TOX2: variants seen among roughly 807,000 people sequenced by gnomAD.
The protein encoded by TOX2 is granulosa cell HMG box 1.
Under a neutral mutation model 47.4 loss-of-function variants are expected in TOX2, and 15 were observed. The ratio of observed to expected loss-of-function variants is 0.32; its 90% confidence interval spans 0.21 to 0.49. The LOEUF (loss-of-function observed/expected upper bound fraction) is 0.49, where lower values mean the gene tolerates loss of function less well. Among genes scored for constraint, TOX2 ranks in the 20% least tolerant of loss-of-function variants. The pLI, the probability that TOX2 is intolerant of heterozygous loss-of-function variation, is 0.99. For missense variants in TOX2, 622 were observed against 673.1 expected (o/e 0.92, Z 0.84); for synonymous variants, 290 against 296.6 (o/e 0.98, Z 0.23).
intron 2 of TOX2, among the ~76,000 whole-genome samples, chr20:43,993,276 A>G (rs889516771): frequency 2.0e-5 from 3 of 152,150 alleles, no homozygotes; most frequent in Non-Finnish European, 4.4e-5. Flanking sequence ...CCTGGCTGCT[A>G]TGGAGAACAA....
At chr20:43,977,425 C>T (rs2070101187) in intron 2 of TOX2, among the ~76,000 whole-genome samples, 2 of 152,100 alleles carry the variant, frequency 1.3e-5, no homozygotes, top group Admixed American at 1.3e-4. Flanking sequence ...ACATTCAAAT[C>T]GTATTACAAA....
At chr20:43,972,142 A>C (rs1160059942) in intron 1 of TOX2, among the ~76,000 whole-genome samples, 2 of 152,220 alleles carry the variant, frequency 1.3e-5, no homozygotes, top group African/African-American at 2.4e-5. Flanking sequence ...GCTCACAGCC[A>C]GTATAGTTCT....
intron 3 of TOX2, among the ~76,000 whole-genome samples, chr20:44,008,016 TG>T (rs2070716915): frequency 6.6e-6 from 1 of 152,082 alleles, no homozygotes; most frequent in Non-Finnish European, 1.5e-5. Context: ...TTAAAGTTCA[TG>T]GGATAGGTAA....
chr20:44,024,038 A>G (rs1271167083), intron 3 of TOX2, among the ~76,000 whole-genome samples: 1 of 152,182 alleles, frequency 6.6e-6, no homozygotes, highest in African/African-American at 2.4e-5. Context: ...AGGTTCCACT[A>G]TCTTTATAAG....
intron 1 of TOX2, chr20:43,946,133 G>C: frequency 6.5e-7 from 1 of 1,529,442 alleles, no homozygotes; most frequent in African/African-American, 1.4e-5. Context: ...GGCAGGCAGG[G>C]ACCTGGACTG....
intron 2 of TOX2, among the ~76,000 whole-genome samples, chr20:43,978,656 T>C (rs2070120559): frequency 6.6e-6 from 1 of 152,142 alleles, no homozygotes; most frequent in South Asian, 2.1e-4. Context: ...AAATGTCACC[T>C]CCTCATCACA....
chr20:43,964,822 A>T (rs2069822637), intron 1 of TOX2, among the ~76,000 whole-genome samples: 1 of 152,158 alleles, frequency 6.6e-6, no homozygotes, highest in Admixed American at 6.5e-5. Context: ...GCTGGTATAC[A>T]GTAGGTGCTC....
At chr20:43,931,350 G>T (rs2069250350) in intron 1 of TOX2, among the ~76,000 whole-genome samples, 1 of 152,160 alleles carries the variant, frequency 6.6e-6, no homozygotes, top group Non-Finnish European at 1.5e-5. Flanking sequence ...GCCCAGGCTG[G>T]TCTCCAACTC....
chr20:43,934,136 G>GGA (rs56662660), intron 1 of TOX2, among the ~76,000 whole-genome samples: 7,300 of 121,922 alleles, frequency 0.06, 338 homozygotes, highest in African/African-American at 0.12. Context: ...CCCAAGGTAA[G>GGA]GAGAGAGAGA....
At chr20:43,997,051 A>G (rs997859858) in intron 2 of TOX2, among the ~76,000 whole-genome samples, 1 of 152,136 alleles carries the variant, frequency 6.6e-6, no homozygotes, top group African/African-American at 2.4e-5. Flanking sequence ...TTCTCCTTTT[A>G]TGCTATACTC....
At chr20:43,952,068 T>TTC (rs2069585106) in intron 1 of TOX2, among the ~76,000 whole-genome samples, 1 of 151,708 alleles carries the variant, frequency 6.6e-6, no homozygotes, top group Non-Finnish European at 1.5e-5. Flanking sequence ...GGCTGATTTT[T>TTC]TTTTTAAAAT....
At position 43,953,265 on chromosome 20, in the gene TOX2, T is replaced by C. The variant is rs540703283; in HGVS notation, c.100-20102T>C. ...GTTTTAAGTCACCTGTTTATGGTGA[T>C]TTGTGACAACAGCCCTAGGAAACTA... On this transcript the variant is annotated intron_variant, in intron 1 of 8. Coordinates refer to ENST00000341197, the MANE Select transcript of TOX2 (RefSeq NM_001098797.2). Among the ~76,000 whole-genome samples the C allele has an allele frequency of 4.6e-5, 7 of 152,240 alleles. No homozygotes were observed. The East Asian group carries it at 1.2e-3, about 25-fold the overall frequency.
rs1286344557 is a variant in TOX2, at chr20:44,016,578, C to T, written c.411+9786C>T. On this transcript the variant is annotated intron_variant, in intron 3 of 8. Coordinates refer to ENST00000341197, the MANE Select transcript of TOX2 (RefSeq NM_001098797.2). ...TGTCTAGCAGCATTCCTGGCCTCTA[C>T]TCACTATTCCTGGCCTCTAGTAGCA... Among the ~76,000 whole-genome samples the T allele has an allele frequency of 2.0e-5, 3 of 152,132 alleles. No individual in the cohort carries two copies. The East Asian group carries it at 5.8e-4, about 29-fold the overall frequency.
At chr20:43,985,811 C>T (rs1600709306) in intron 2 of TOX2, among the ~76,000 whole-genome samples, 3 of 151,764 alleles carry the variant, frequency 2.0e-5, no homozygotes, top group South Asian at 2.1e-4. Flanking sequence ...CACCCGGTGG[C>T]GCCGAGCTCA....
chr20:44,052,265 T>C (rs2071526967), intron 4 of TOX2, among the ~76,000 whole-genome samples: 1 of 152,158 alleles, frequency 6.6e-6, no homozygotes, highest in African/African-American at 2.4e-5. Context: ...CCGCCACCTG[T>C]CCGGGCTCTG....
intron 3 of TOX2, among the ~76,000 whole-genome samples, chr20:44,013,490 G>A (rs1001987345): frequency 1.4e-3 from 208 of 152,316 alleles, no homozygotes; most frequent in African/African-American, 4.9e-3. Context: ...AACACAGGGG[G>A]CAGTAGGGAC....
chr20:43,922,764 A>T (rs2069124765), intron 1 of TOX2, among the ~76,000 whole-genome samples: 1 of 152,180 alleles, frequency 6.6e-6, no homozygotes, highest in African/African-American at 2.4e-5. Flanking sequence ...CAGGATGAGC[A>T]ACCTGATTGT....
intron 2 of TOX2, among the ~76,000 whole-genome samples, chr20:44,002,985 T>C (rs1263048361): frequency 6.6e-6 from 1 of 151,956 alleles, no homozygotes; most frequent in African/African-American, 2.4e-5. Context: ...TATCAGAGGG[T>C]AAGTAATGCA....
rs1026740382 is a variant in TOX2, at chr20:43,982,011, C to T, written c.165+8579C>T. ...GAAAGTGTCAGGAGAGAGGGTGAAG[C>T]TCTGGGTTTAGGAGGGGGAAAGGCT... On this transcript the variant is annotated intron_variant, in intron 2 of 8. Transcript: ENST00000341197. Among the ~76,000 whole-genome samples, 8 of 150,710 alleles carry T rather than the reference C, an allele frequency of 5.3e-5. No individual in the cohort carries two copies. In the East Asian group the frequency reaches 1.6e-3, roughly 29 times the overall value.
Sources: gnomAD v4.1 joint callset for allele counts (sites outside exome capture counted in the v4.1 genomes callset) on GRCh38, gnomAD v4.1.1 for gene constraint, MANE v1.5 for transcripts, NCBI Gene and HGNC (gene_info 2026-07-23, HGNC 2026-07-21) for gene names.